CHTOP: variants seen among roughly 807,000 people sequenced by gnomAD.
The protein encoded by CHTOP is chromatin target of PRMT1 protein.
In CHTOP, 18 loss-of-function variants were observed where a neutral mutation model predicts 33.6. The ratio of observed to expected loss-of-function variants is 0.54; its 90% CI spans 0.37 to 0.80. The LOEUF (loss-of-function observed/expected upper bound fraction) is 0.80, where lower values mean the gene tolerates loss of function less well. Ranked by LOEUF, CHTOP falls within the 30% of genes least tolerant of loss-of-function variation. The pLI is 0.00. For synonymous variants in CHTOP, 117 were observed against 127.7 expected (o/e 0.92, Z 0.56); for missense variants, 263 against 336.8 (o/e 0.78, Z 1.71).
intron 1 of CHTOP, among the ~76,000 whole-genome samples, chr1:153,636,013 T>C (rs1158304818): frequency 6.6e-6 from 1 of 151,832 alleles, no homozygotes; most frequent in African/African-American, 2.4e-5. Context: ...CTCCAACCCC[T>C]GGGCTCTAGC....
intron 2 of CHTOP, chr1:153,637,733 C>G (rs1009568731): frequency 6.6e-6 from 1 of 152,406 alleles, no homozygotes; most frequent in African/African-American, 2.4e-5. Context: ...TCTATTTTTG[C>G]CTCTTCTGAG....
chr1:153,642,144 C>T (rs1668647455), intron 3 of CHTOP, 102 bp from the exon 4 acceptor site: 1 of 956,630 alleles, frequency 1.0e-6, no homozygotes, highest in Admixed American at 2.6e-5. Context: ...TCTCCCTTCA[C>T]ACCAGCATCT....
chr1:153,645,965 AT>A lies in CHTOP; in HGVS notation c.*699del, dbSNP rs1668812723. The stretch of plus-strand genomic sequence containing the variant: ...ATTGCACTTTCTACCTTTGTATGAG[AT>A]TTACAGACTTTCCTTCTGGGTTTGT... On this transcript the variant is annotated 3_prime_UTR_variant, in exon 6 of 6. Transcript: ENST00000368694. 6.6e-6 allele frequency: 1 copy of A among 152,340 alleles called. No individual in the cohort carries two copies. Among genetic ancestry groups the A allele is most frequent in the Non-Finnish European group, 1.5e-5 (1 of 68,192 alleles). The allele number at this position is 152,340 out of a possible 1,614,324, so 9.4% of individuals were successfully genotyped here.
intron 3 of CHTOP, among the ~76,000 whole-genome samples, chr1:153,640,805 A>G (rs989461069): frequency 1.3e-5 from 2 of 152,228 alleles, no homozygotes; most frequent in South Asian, 4.1e-4. Context: ...ACATGTAGCT[A>G]TAGAGGCTGC....
Position 153,638,449 on chromosome 1 carries a change from G to A in CHTOP, c.219+1G>A. The A allele has an allele frequency of 6.2e-7, 1 of 1,614,172 alleles. No individual in the cohort carries two copies. The highest frequency in any genetic ancestry group is 8.5e-7 in the Non-Finnish European group (1 of 1,180,028). On this transcript the variant is annotated splice_donor_variant, in intron 3 of 5. Transcript: ENST00000368694. LOFTEE classifies it high-confidence loss of function. ...CCAGGCAGCATTAAAACTTAAGCAG[G>A]TGAGAGAATGGGTCTTAATGCTCCA... is the stretch of plus-strand genomic sequence containing the variant.
intron 5 of CHTOP, among the ~76,000 whole-genome samples, chr1:153,644,822 G>A (rs1194995650): frequency 6.6e-6 from 1 of 152,084 alleles, no homozygotes; most frequent in Non-Finnish European, 1.5e-5. Context: ...TTCCTTTATT[G>A]ATAGAATAAA....
At chr1:153,638,571 T>TTTCTTCCA in intron 3 of CHTOP, 123 bp downstream of exon 3, 1 of 1,125,624 alleles carries the variant, frequency 8.9e-7, no homozygotes, top group Non-Finnish European at 1.3e-6. Flanking sequence ...GAAACTTCTC[T>TTTCTTCCA]GGAAGAAAGA....
chr1:153,635,448 G>A (rs1668338207), intron 1 of CHTOP, among the ~76,000 whole-genome samples: 1 of 150,484 alleles, frequency 6.6e-6, no homozygotes, highest in Non-Finnish European at 1.5e-5. Context: ...CACCGCGCCC[G>A]CCCTGTCCGG....
chr1:153,636,715 G>T (rs1668420264), intron 2 of CHTOP, 62 bp downstream of exon 2: 1 of 1,455,452 alleles, frequency 6.9e-7, no homozygotes, highest in African/African-American at 1.4e-5. Context: ...CTTGGCCCTG[G>T]GGTCCAATGC....
intron 2 of CHTOP, chr1:153,637,906 T>G (rs754834537): frequency 1.3e-4 from 26 of 205,530 alleles, no homozygotes; most frequent in Non-Finnish European, 2.3e-4. Context: ...GGTGCTCTAA[T>G]CCTTCCTCAT....
At position 153,643,530 on chromosome 1, in the gene CHTOP, A is replaced by G. The variant is rs892386077; in HGVS notation, c.541+166A>G. ...TTCAAATTACCATGCTGGTAGTGCA[A>G]AAGTCTCATGATTTTTCCAAGAATC... On this transcript the variant is annotated intron_variant, in intron 5 of 5. Transcript: ENST00000368694. The G allele has an allele frequency of 9.1e-6, 6 of 658,874 alleles. No homozygotes were observed. The African/African-American group carries it at 1.1e-4, about 12-fold the overall frequency. 40.8% of individuals were successfully genotyped at this position (658,874 alleles called of 1,614,324 possible). A position where few individuals can be genotyped will look rare whatever the true frequency, so the allele number is the denominator to read the frequency against.
At position 153,645,352 on chromosome 1, in the gene CHTOP, G is replaced by T; in HGVS notation, c.*83G>T. On this transcript the variant is annotated 3_prime_UTR_variant, in exon 6 of 6. Transcript: ENST00000368694. ...TGAGATAACAGATGAGAAGAAATCT[G>T]ATTGATGCTGGATGGACCTATCACA... The T allele has an allele frequency of 7.4e-7, 1 of 1,346,970 alleles. No individual in the cohort carries two copies. Among genetic ancestry groups the T allele is most frequent in the South Asian group, 1.3e-5 (1 of 77,248 alleles). 83.4% of individuals were successfully genotyped at this position (1,346,970 alleles called of 1,614,324 possible). A position where few individuals can be genotyped will look rare whatever the true frequency, so the allele number is the denominator to read the frequency against.
At chr1:153,644,098 A>C (rs1223187471) in intron 5 of CHTOP, 2 of 152,250 alleles carry the variant, frequency 1.3e-5, no homozygotes, top group Non-Finnish European at 2.9e-5. Context: ...CAGAAAAAAA[A>C]CACTATTGAA....
intron 3 of CHTOP, among the ~76,000 whole-genome samples, chr1:153,640,900 G>A (rs979174492): frequency 4.6e-5 from 7 of 152,188 alleles, no homozygotes; most frequent in Non-Finnish European, 1.0e-4. Flanking sequence ...GCCGGTATTG[G>A]TGGCACTTAA....
intron 2 of CHTOP, chr1:153,637,832 A>G (rs918884937): frequency 6.3e-6 from 1 of 157,948 alleles, no homozygotes. Flanking sequence ...TTAGTGACAT[A>G]TATTTTAAAA....
intron 3 of CHTOP, among the ~76,000 whole-genome samples, chr1:153,639,632 C>T (rs1668543871): frequency 6.6e-6 from 1 of 152,182 alleles, no homozygotes; most frequent in African/African-American, 2.4e-5. Flanking sequence ...CAGCAAAAGG[C>T]ACCATTTTCC....
At chr1:153,641,194 T>G (rs1400728489) in intron 3 of CHTOP, among the ~76,000 whole-genome samples, 1 of 152,204 alleles carries the variant, frequency 6.6e-6, no homozygotes, top group Admixed American at 6.5e-5. Context: ...TTTGAGAGGT[T>G]GATTAGAAAA....
intron 2 of CHTOP, 165 bp from the exon 3 acceptor site, chr1:153,638,128 TTG>T (rs1668479507): frequency 1.5e-6 from 1 of 649,152 alleles, no homozygotes; most frequent in Admixed American, 2.9e-5. Context: ...TCTTGCAAGT[TTG>T]TGGAAACAGA....
At chr1:153,638,803 A>G (rs1353128314) in intron 3 of CHTOP, among the ~76,000 whole-genome samples, 1 of 152,196 alleles carries the variant, frequency 6.6e-6, no homozygotes, top group East Asian at 1.9e-4. Context: ...TCTCTGTTAA[A>G]TGATTTACCC....
Sources: gnomAD v4.1 joint callset for allele counts (sites outside exome capture counted in the v4.1 genomes callset) on GRCh38, gnomAD v4.1.1 for gene constraint, MANE v1.5 for transcripts, NCBI Gene and HGNC (gene_info 2026-07-23, HGNC 2026-07-21) for gene names.